The following PDE7B variants were observed in gnomAD, a reference collection of about 807,000 sequenced individuals.
PDE7B encodes phosphodiesterase 7B, also known as 3',5'-cyclic-AMP phosphodiesterase 7B.
Under a neutral mutation model 56.2 loss-of-function variants are expected in PDE7B, and 29 were observed. That is an observed-to-expected ratio of 0.52 (90% CI 0.38 to 0.70). The LOEUF is 0.70. Ranked by LOEUF, PDE7B falls within the 30% of genes least tolerant of loss-of-function variation. The pLI is 0.00. For synonymous variants in PDE7B, 197 were observed against 196.9 expected (o/e 1.00, Z 0.00); for missense variants, 490 against 565.0 (o/e 0.87, Z 1.35).
At chr6:136,000,942 G>C (rs555780916) in intron 2 of PDE7B, among the ~76,000 whole-genome samples, 1 of 152,298 alleles carries the variant, frequency 6.6e-6, no homozygotes, top group East Asian at 1.9e-4. Context: ...TAACTGGGAG[G>C]CACCCCCCAG....
intron 2 of PDE7B, among the ~76,000 whole-genome samples, chr6:136,103,564 G>A (rs1283041174): frequency 6.6e-6 from 1 of 152,200 alleles, no homozygotes; most frequent in Non-Finnish European, 1.5e-5. Flanking sequence ...GCAGTGACAT[G>A]AATTAGTAAT....
At chr6:135,981,823 A>G (rs1018122306) in intron 2 of PDE7B, among the ~76,000 whole-genome samples, 1 of 151,854 alleles carries the variant, frequency 6.6e-6, no homozygotes, top group African/African-American at 2.4e-5. Context: ...TATGGTAAAT[A>G]CATACACCAA....
chr6:135,865,782 C>T (rs1775246990), intron 1 of PDE7B, among the ~76,000 whole-genome samples: 2 of 152,068 alleles, frequency 1.3e-5, no homozygotes, highest in Admixed American at 6.6e-5. Context: ...TTGTCTTAAT[C>T]TGATTTCACA....
intron 2 of PDE7B, among the ~76,000 whole-genome samples, chr6:135,971,445 T>G (rs1775092649): frequency 6.6e-6 from 1 of 152,160 alleles, no homozygotes; most frequent in South Asian, 2.1e-4. Context: ...GAAAGAGAGA[T>G]TGCTCTTTTA....
chr6:136,037,547 C>T, intron 2 of PDE7B: 1 of 985,446 alleles, frequency 1.0e-6, no homozygotes, highest in Non-Finnish European at 1.2e-6. Context: ...AGGTGCCCCC[C>T]AACCCCCATC....
chr6:135,855,808 T>G (rs1450613173), intron 1 of PDE7B, among the ~76,000 whole-genome samples: 1 of 152,156 alleles, frequency 6.6e-6, no homozygotes, highest in East Asian at 1.9e-4. Flanking sequence ...GGTTCATAGC[T>G]GTGATGGTCT....
chr6:136,054,669 G>T (rs1776697920), intron 2 of PDE7B, among the ~76,000 whole-genome samples: 3 of 152,094 alleles, frequency 2.0e-5, no homozygotes, highest in Admixed American at 2.0e-4. Flanking sequence ...TCACGATATT[G>T]ATTCTTCCTA....
Position 135,902,331 on chromosome 6 carries a change from G to GTT in PDE7B, c.22-45121_22-45120dup, listed in dbSNP as rs66648278. ...GCAAGTTTTGGCTCATTATGTGAAG[G>GTT]TTTTTTTTTTTTTCTTTTTTTAAAG... On this transcript the variant is annotated intron_variant, in intron 1 of 12. Coordinates refer to ENST00000308191, the MANE Select transcript of PDE7B (RefSeq NM_018945.4). Among the ~76,000 whole-genome samples, 1,096 of 147,694 alleles carry GTT rather than the reference G, an allele frequency of 7.4e-3. 10 individuals carry two copies. Among genetic ancestry groups the GTT allele is most frequent in the African/African-American group, 0.022 (905 of 40,272 alleles).
At chr6:135,864,576 G>A (rs1366261062) in intron 1 of PDE7B, among the ~76,000 whole-genome samples, 6 of 151,968 alleles carry the variant, frequency 3.9e-5, no homozygotes, top group East Asian at 1.9e-4. Flanking sequence ...TCTTTTAAAA[G>A]CAATCTGTCC....
chr6:135,891,780 C>T (rs946539995), intron 1 of PDE7B, among the ~76,000 whole-genome samples: 1 of 152,140 alleles, frequency 6.6e-6, no homozygotes, highest in Non-Finnish European at 1.5e-5. Flanking sequence ...GTATCTACTA[C>T]CTTTCCAGTA....
chr6:136,069,095 T>C (rs1286338481), intron 2 of PDE7B, among the ~76,000 whole-genome samples: 1 of 152,152 alleles, frequency 6.6e-6, no homozygotes, highest in Non-Finnish European at 1.5e-5. Flanking sequence ...CCTGAACTAG[T>C]GTTTCAGGTT....
At chr6:136,078,683 A>T (rs975771891) in intron 2 of PDE7B, among the ~76,000 whole-genome samples, 46 of 152,242 alleles carry the variant, frequency 3.0e-4, no homozygotes, top group African/African-American at 1.0e-3. Flanking sequence ...TGTGCAAAAA[A>T]CCTGCCGTCT....
chr6:136,067,011 A>G (rs530252804), intron 2 of PDE7B, among the ~76,000 whole-genome samples: 2 of 152,182 alleles, frequency 1.3e-5, no homozygotes, highest in South Asian at 4.2e-4. Context: ...GTATGCGACC[A>G]CACCCAGCTA....
At chr6:135,880,798 G>A (rs1775594091) in intron 1 of PDE7B, among the ~76,000 whole-genome samples, 1 of 152,222 alleles carries the variant, frequency 6.6e-6, no homozygotes. Flanking sequence ...GGCTGCTGAA[G>A]AGAAGCAGTT....
chr6:135,931,612 C>A (rs1289831796), intron 1 of PDE7B, among the ~76,000 whole-genome samples: 1 of 151,892 alleles, frequency 6.6e-6, no homozygotes, highest in Non-Finnish European at 1.5e-5. Flanking sequence ...GAAATAAAAA[C>A]AATGGAATAT....
At chr6:135,872,640 C>T (rs1477353033) in intron 1 of PDE7B, among the ~76,000 whole-genome samples, 1 of 152,132 alleles carries the variant, frequency 6.6e-6, no homozygotes, top group African/African-American at 2.4e-5. Flanking sequence ...CCCTACCTAA[C>T]AAAGTCTCAC....
chr6:135,902,544 C>T (rs1442758283), intron 1 of PDE7B, among the ~76,000 whole-genome samples: 1 of 152,072 alleles, frequency 6.6e-6, no homozygotes, highest in Non-Finnish European at 1.5e-5. Context: ...GCAATATTTC[C>T]TCTTGCTGTG....
intron 2 of PDE7B, among the ~76,000 whole-genome samples, chr6:135,972,534 G>A (rs1419160450): frequency 6.6e-6 from 1 of 152,164 alleles, no homozygotes; most frequent in Non-Finnish European, 1.5e-5. Context: ...AAGTTAGTGT[G>A]TTTATTTGCT....
intron 2 of PDE7B, among the ~76,000 whole-genome samples, chr6:135,953,828 C>G (rs1224384201): frequency 1.3e-5 from 2 of 152,138 alleles, no homozygotes; most frequent in Non-Finnish European, 2.9e-5. Flanking sequence ...CAAGTAAAGA[C>G]TGTGTTGAAA....
Sources: allele counts gnomAD v4.1 joint callset (sites outside exome capture counted in the v4.1 genomes callset), GRCh38; gene constraint gnomAD v4.1.1; transcripts MANE v1.5; gene names NCBI Gene and HGNC (gene_info 2026-07-23, HGNC 2026-07-21).